The following UBE2O variants were observed in gnomAD, a reference collection of about 807,000 sequenced individuals.
The protein encoded by UBE2O is ubiquitin conjugating enzyme E2 O.
Under a neutral mutation model 125.8 loss-of-function variants are expected in UBE2O, and 15 were observed. That is an observed-to-expected ratio of 0.12 (90% CI 0.08 to 0.18). The LOEUF is 0.18. Ranked by LOEUF, UBE2O falls within the 10% of genes least tolerant of loss-of-function variation. UBE2O has a pLI of 1.00. For missense variants in UBE2O, 1,280 were observed against 1,723.6 expected, an observed-to-expected ratio of 0.74 and a Z score of 4.56; for synonymous variants, 708 against 703.2, an observed-to-expected ratio of 1.01 and a Z score of -0.11.
chr17:76,414,316 C>T (rs1156745018), intron 1 of UBE2O, among the ~76,000 whole-genome samples: 1 of 152,030 alleles, frequency 6.6e-6, no homozygotes, highest in East Asian at 1.9e-4. Context: ...TAAGACAAGA[C>T]AAGAATACAA....
In UBE2O at chr17:76,397,904, G is replaced by C; in HGVS notation, c.2026-16C>G. 4 of 1,613,544 alleles carry C rather than the reference G, an allele frequency of 2.5e-6. No homozygotes were observed. The highest frequency in any genetic ancestry group is 3.4e-6 in the Non-Finnish European group (4 of 1,179,872). Reference sequence around the variant, plus strand: ...CCACCGATGGCTGCTGGGCAAAGGGGACAAAGTCAGGGGGCCCAGCTCAAG... The same window carrying C: ...CCACCGATGGCTGCTGGGCAAAGGGCACAAAGTCAGGGGGCCCAGCTCAAG... On this transcript the variant is annotated splice_polypyrimidine_tract_variant and intron_variant, in intron 12 of 17. Transcript: ENST00000319380.
chr17:76,394,617 T>C (rs1235582137), intron 15 of UBE2O, among the ~76,000 whole-genome samples: 1 of 152,156 alleles, frequency 6.6e-6, no homozygotes, highest in East Asian at 1.9e-4. Context: ...TGGTGATACA[T>C]GAAAATGTAA....
chr17:76,407,278 C>T (rs1208307501), intron 1 of UBE2O, among the ~76,000 whole-genome samples: 1 of 152,158 alleles, frequency 6.6e-6, no homozygotes, highest in Non-Finnish European at 1.5e-5. Context: ...TATCTCTGCT[C>T]CAAGACCCCA....
At chr17:76,403,295 G>C (rs976870083) in intron 3 of UBE2O, among the ~76,000 whole-genome samples, 1 of 151,912 alleles carries the variant, frequency 6.6e-6, no homozygotes, top group Non-Finnish European at 1.5e-5. Flanking sequence ...TTAGAGACAG[G>C]GTCTTGCTCT....
intron 1 of UBE2O, among the ~76,000 whole-genome samples, chr17:76,429,541 CAAAAAAAAAAAAA>C (rs61081315): frequency 1.4e-5 from 1 of 71,808 alleles, no homozygotes; most frequent in Non-Finnish European, 2.5e-5. Flanking sequence ...GACTCTGTCT[CAAAAAAAAAAAAA>C]AAAAAAAAAA....
intron 1 of UBE2O, among the ~76,000 whole-genome samples, chr17:76,450,867 C>T (rs1446629320): frequency 1.3e-5 from 2 of 152,200 alleles, no homozygotes; most frequent in Non-Finnish European, 2.9e-5. Flanking sequence ...GTGATCCGCC[C>T]GCCTCGGCCT....
rs2072504576 is a variant in UBE2O, at chr17:76,410,941, A to G, written c.418-5369T>C. ...CAGGTGGAATCCAAATTCACTGTAT[A>G]AAGTGATCCAGGAATAGAAAACACA... On this transcript the variant is annotated intron_variant, in intron 1 of 17. Transcript: ENST00000319380. This position sits in a 1 kb window ranked among gnomAD's most constrained non-coding sequence, Gnocchi z 4.0. 6.6e-6 allele frequency among the ~76,000 whole-genome samples: 1 copy of G among 152,142 alleles called. No individual in the cohort carries two copies. The highest frequency in any genetic ancestry group is 1.9e-4 in the East Asian group (1 of 5,184).
rs116577165 is a variant in UBE2O, at chr17:76,419,491, G to A, written c.418-13919C>T. ...GGTGACTGAAAATAACTAAGAAAGC[G>A]AGAGTTGACTGATGCCCACCCTTCG... is the stretch of plus-strand genomic sequence containing the variant. On this transcript the variant is annotated intron_variant, in intron 1 of 17. Coordinates refer to ENST00000319380, the MANE Select transcript of UBE2O (RefSeq NM_022066.4). Among the ~76,000 whole-genome samples the A allele has an allele frequency of 3.4e-3, 518 of 152,230 alleles. 2 individuals are homozygous for A. Among genetic ancestry groups the A allele is most frequent in the African/African-American group, 0.011 (444 of 41,516 alleles).
At position 76,452,979 on chromosome 17, in the gene UBE2O, C is replaced by G; in HGVS notation, c.163G>C (p.Gly55Arg). 6.7e-7 allele frequency: 1 copy of G among 1,494,244 alleles called. No homozygotes were observed. Among genetic ancestry groups the G allele is most frequent in the Non-Finnish European group, 8.9e-7 (1 of 1,121,938 alleles). 92.6% of individuals were successfully genotyped at this position (1,494,244 alleles called of 1,614,324 possible). A position where few individuals can be genotyped will look rare whatever the true frequency, so the allele number is the denominator to read the frequency against. ...GPSSDSGPEAGSQRLLFSHDL... is the reference protein window; with the variant it reads ...GPSSDSGPEARSQRLLFSHDL... ...TGAGAAAACAGCAGGCGCTGCGAGCCGGCTTCTGGGCCGGAGTCCGAGGAC... is the reference window on the plus strand; with the variant it reads ...TGAGAAAACAGCAGGCGCTGCGAGCGGGCTTCTGGGCCGGAGTCCGAGGAC... Residue 55 changes from glycine to arginine, a missense_variant, in exon 1 of 18, where the codon GGC becomes CGC. By Grantham distance (125) the Gly-to-Arg change is moderately radical. Transcript: ENST00000319380. The surrounding 1 kb of genome is among the most constrained non-coding windows in gnomAD (Gnocchi z 4.4).
chr17:76,434,793 T>TA (rs2072961044), intron 1 of UBE2O, among the ~76,000 whole-genome samples: 12 of 148,930 alleles, frequency 8.1e-5, no homozygotes, highest in South Asian at 6.5e-4. Flanking sequence ...TTTTTTTTTT[T>TA]TAAAAAAACA....
In UBE2O at chr17:76,398,030, C is replaced by G; in HGVS notation, c.2026-142G>C. On this transcript the variant is annotated intron_variant, in intron 12 of 17. Coordinates refer to ENST00000319380, the MANE Select transcript of UBE2O (RefSeq NM_022066.4). This position sits in a 1 kb window ranked among gnomAD's most constrained non-coding sequence, Gnocchi z 5.4. ...CTCCTCTGGTAAATGTAACCAGCGG[C>G]AGCTCAAGAAGCCTGACCCCAGAAG... is the stretch of plus-strand genomic sequence containing the variant. 2.9e-6 allele frequency: 3 copies of G among 1,046,106 alleles called. No individual in the cohort carries two copies. The highest frequency in any genetic ancestry group is 4.2e-6 in the Non-Finnish European group (3 of 713,864). 64.8% of individuals were successfully genotyped at this position (1,046,106 alleles called of 1,614,324 possible).
At chr17:76,413,738 A>G (rs2072554839) in intron 1 of UBE2O, among the ~76,000 whole-genome samples, 4 of 152,168 alleles carry the variant, frequency 2.6e-5, no homozygotes, top group African/African-American at 9.7e-5. Context: ...CTCTCATGAG[A>G]AGCTGGTCTT....
rs187000616 is a variant in UBE2O at position 76,442,998 on chromosome 17, C to T, written c.417+9727G>A. Among the ~76,000 whole-genome samples the T allele has an allele frequency of 3.0e-3, 464 of 152,256 alleles. 2 individuals carry two copies. The highest frequency in any genetic ancestry group is 4.8e-3 in the Non-Finnish European group (324 of 68,020). On this transcript the variant is annotated intron_variant, in intron 1 of 17. Coordinates refer to ENST00000319380, the MANE Select transcript of UBE2O (RefSeq NM_022066.4). ...CAAAGAAGGTAAATTAAAAATGACC[C>T]CAAATGCTCTAATTTTGAGAAGATT...
rs561897745 is a variant in UBE2O, at chr17:76,452,548, C to A, written c.417+177G>T. On this transcript the variant is annotated intron_variant, in intron 1 of 17. Coordinates refer to ENST00000319380, the MANE Select transcript of UBE2O (RefSeq NM_022066.4). The surrounding 1 kb of genome is among the most constrained non-coding windows in gnomAD (Gnocchi z 4.4). Reference sequence around the variant, plus strand: ...GCCAGCAGTGCCTGGCTGGCGTGTGCGCCCAGAGCTGCTGCAATGACTTTG... The same window carrying A: ...GCCAGCAGTGCCTGGCTGGCGTGTGAGCCCAGAGCTGCTGCAATGACTTTG... Among the ~76,000 whole-genome samples, 33 of 152,354 alleles carry A rather than the reference C, an allele frequency of 2.2e-4. 1 individual carries two copies. The East Asian group carries it at 4.1e-3, about 19-fold the overall frequency.
At chr17:76,393,812 C>T (rs1012664631) in intron 15 of UBE2O, among the ~76,000 whole-genome samples, 2 of 152,148 alleles carry the variant, frequency 1.3e-5, no homozygotes, top group Non-Finnish European at 1.5e-5. Context: ...TCTCAACTGA[C>T]AGGGCAATGG....
Position 76,400,598 on chromosome 17 carries a change from A to C in UBE2O, c.895-48T>G. On this transcript the variant is annotated intron_variant, in intron 6 of 17. Coordinates refer to ENST00000319380, the MANE Select transcript of UBE2O (RefSeq NM_022066.4). The surrounding 1 kb of genome is among the most constrained non-coding windows in gnomAD (Gnocchi z 4.3). ...GCCAGTCAGGGCAGGCTCTGACAGC[A>C]CTCTCTTTAGCCAGCTGCCCAAAGC... 9 of 1,370,760 alleles carry C rather than the reference A, an allele frequency of 6.6e-6. No individual in the cohort carries two copies. The highest frequency in any genetic ancestry group is 9.1e-6 in the Non-Finnish European group (9 of 986,396). 84.9% of individuals were successfully genotyped at this position (1,370,760 alleles called of 1,614,324 possible).
chr17:76,400,173 G>T lies in UBE2O; in HGVS notation c.1129C>A (p.Gln377Lys). 1 of 1,614,114 alleles carries T rather than the reference G, an allele frequency of 6.2e-7. No individual in the cohort carries two copies. Among genetic ancestry groups the T allele is most frequent in the Non-Finnish European group, 8.5e-7 (1 of 1,180,002 alleles). ...AWECPEKNCA[Q>K]GEGSMAKKVK... ...TTCTTGGCCATAGAGCCCTCCCCCT[G>T]GGCGCAGTTTTTTTCTGGACATTCC... is the stretch of plus-strand genomic sequence containing the variant. The change falls in exon 8 of 18, where the codon CAG (glutamine) becomes AAG (lysine). Residue 377 changes from glutamine (Q) to lysine (K), a missense_variant. Gln to Lys is a moderately conservative substitution (Grantham distance 53, BLOSUM62 1). This residue lies in a region of UBE2O where 141 missense variants were observed against 141.3 expected (regional missense o/e 1.00). Coordinates refer to ENST00000319380, the MANE Select transcript of UBE2O (RefSeq NM_022066.4). The surrounding 1 kb of genome is among the most constrained non-coding windows in gnomAD (Gnocchi z 4.3).
Position 76,399,005 on chromosome 17 carries a change from C to A in UBE2O, c.1629-14G>T, listed in dbSNP as rs1187692403. On this transcript the variant is annotated splice_polypyrimidine_tract_variant and intron_variant, in intron 9 of 17. Coordinates refer to ENST00000319380, the MANE Select transcript of UBE2O (RefSeq NM_022066.4). The surrounding 1 kb of genome is among the most constrained non-coding windows in gnomAD (Gnocchi z 6.9). ...TCCACTGCCACCCTGCGGGTGCAGG[C>A]CAGTCAGCAGGCCATGCAAACCCCA... 6.2e-7 allele frequency: 1 copy of A among 1,612,598 alleles called. No individual in the cohort carries two copies. Among genetic ancestry groups the A allele is most frequent in the African/African-American group, 1.3e-5 (1 of 75,054 alleles).
In UBE2O at chr17:76,444,626, C is replaced by A. The variant is rs531430892; in HGVS notation, c.417+8099G>T. Among the ~76,000 whole-genome samples the A allele has an allele frequency of 7.9e-5, 12 of 152,320 alleles. No homozygotes were observed. In the East Asian group the frequency reaches 2.3e-3, roughly 29 times the overall value. On this transcript the variant is annotated intron_variant, in intron 1 of 17. Coordinates refer to ENST00000319380, the MANE Select transcript of UBE2O (RefSeq NM_022066.4). The stretch of plus-strand genomic sequence containing the variant: ...TTTGTGACCTTCAGGGGAGCCGTCA[C>A]ACTCAGTGGTGTGAGAGGTTAGACA...
Sources: allele counts gnomAD v4.1 joint callset (sites outside exome capture counted in the v4.1 genomes callset), GRCh38; gene constraint gnomAD v4.1.1; regional missense constraint gnomAD v4.1.1; non-coding constraint Gnocchi (gnomAD v3.1); transcripts MANE v1.5; gene names NCBI Gene and HGNC (gene_info 2026-07-23, HGNC 2026-07-21).